The following EEFSEC variants were observed in gnomAD, a reference collection of about 807,000 sequenced individuals.
The protein encoded by EEFSEC is selenocysteine-specific elongation factor.
Under a neutral mutation model 42.1 loss-of-function variants are expected in EEFSEC, and 43 were observed. That is an observed-to-expected ratio of 1.02 (90% CI 0.80 to 1.32). EEFSEC has a LOEUF of 1.32. Among genes scored for constraint, EEFSEC ranks in the 40% most tolerant of loss-of-function variants. The pLI, the probability that EEFSEC is intolerant of heterozygous loss-of-function variation, is 0.00. For missense variants in EEFSEC, 745 were observed against 803.6 expected (o/e 0.93, Z 0.88); for synonymous variants, 354 against 339.1 (o/e 1.04, Z -0.48).
chr3:128,219,721 T>C (rs925852647), intron 1 of EEFSEC, among the ~76,000 whole-genome samples: 2 of 152,054 alleles, frequency 1.3e-5, no homozygotes, highest in Non-Finnish European at 2.9e-5. Context: ...CTTATTTGTT[T>C]TGTTAAATGG....
At chr3:128,425,478 T>C in the EEFSEC span, among the ~76,000 whole-genome samples, 1 of 152,240 alleles carries the variant, frequency 6.6e-6, no homozygotes, top group Admixed American at 6.5e-5. Context: ...TGTGGGGTTT[T>C]GTGTGAGCAT....
At chr3:128,330,570 G>A (rs1302616361) in intron 4 of EEFSEC, among the ~76,000 whole-genome samples, 4 of 152,098 alleles carry the variant, frequency 2.6e-5, no homozygotes, top group African/African-American at 9.7e-5. Context: ...TCAGTGAGTG[G>A]GATTCAGCTG....
chr3:128,282,520 G>A (rs919413380), intron 4 of EEFSEC, among the ~76,000 whole-genome samples: 2 of 152,224 alleles, frequency 1.3e-5, no homozygotes, highest in African/African-American at 2.4e-5. Context: ...ATGTTGACAC[G>A]CACTGGAGCT....
intron 1 of EEFSEC, among the ~76,000 whole-genome samples, chr3:128,207,185 C>T (rs1324080461): frequency 6.6e-6 from 1 of 151,528 alleles, no homozygotes; most frequent in Non-Finnish European, 1.5e-5. Flanking sequence ...TCCTGCTCCC[C>T]TCTCTCCCTC....
At chr3:128,343,462 G>A (rs541635003) in intron 5 of EEFSEC, among the ~76,000 whole-genome samples, 18 of 152,244 alleles carry the variant, frequency 1.2e-4, no homozygotes, top group South Asian at 1.0e-3. Flanking sequence ...GCTCCGGGGG[G>A]GCCGCTGGGG....
Position 128,223,417 on chromosome 3 carries a change from G to A in EEFSEC, c.317-23419G>A, listed in dbSNP as rs571093683. Among the ~76,000 whole-genome samples, 4 of 152,372 alleles carry A rather than the reference G, an allele frequency of 2.6e-5. No individual in the cohort carries two copies. In the East Asian group the frequency reaches 5.8e-4, roughly 22 times the overall value. On this transcript the variant is annotated intron_variant, in intron 1 of 6. Transcript: ENST00000254730. ...GATTTGCAGCCAGCTGGTCAGAAGT[G>A]TGGGTGGCCTAGGGACCCCTGAACT... is the stretch of plus-strand genomic sequence containing the variant.
chr3:128,224,139 A>G (rs2065886550), intron 1 of EEFSEC, among the ~76,000 whole-genome samples: 1 of 152,192 alleles, frequency 6.6e-6, no homozygotes, highest in Non-Finnish European at 1.5e-5. Flanking sequence ...TAAATCTTCA[A>G]TGAACCTGCT....
At chr3:128,164,122 G>A (rs1449317052) in intron 1 of EEFSEC, among the ~76,000 whole-genome samples, 1 of 152,096 alleles carries the variant, frequency 6.6e-6, no homozygotes, top group African/African-American at 2.4e-5. Context: ...CTTGTTTTAA[G>A]GGCTTTCGGC....
the EEFSEC span, among the ~76,000 whole-genome samples, chr3:128,420,325 A>G: frequency 6.6e-6 from 1 of 152,244 alleles, no homozygotes; most frequent in African/African-American, 2.4e-5. Context: ...GAAAATAAAG[A>G]TTAATTTGCA....
chr3:128,289,689 C>T (rs759929485), intron 4 of EEFSEC, among the ~76,000 whole-genome samples: 5 of 152,230 alleles, frequency 3.3e-5, no homozygotes, highest in East Asian at 1.9e-4. Context: ...TGCCTTTGTG[C>T]TACCTTTGGG....
At chr3:128,369,728 GC>G (rs765051379) in intron 6 of EEFSEC, among the ~76,000 whole-genome samples, 91 of 152,298 alleles carry the variant, frequency 6.0e-4, no homozygotes, top group Non-Finnish European at 1.0e-3. Flanking sequence ...TTCCCTCCTA[GC>G]TTTTTAAATA....
At chr3:128,192,450 T>C (rs2065535905) in intron 1 of EEFSEC, among the ~76,000 whole-genome samples, 1 of 152,230 alleles carries the variant, frequency 6.6e-6, no homozygotes, top group South Asian at 2.1e-4. Context: ...CTCTTGAGCT[T>C]CAGCTGGCTG....
chr3:128,283,986 C>T (rs1045384618), intron 4 of EEFSEC, among the ~76,000 whole-genome samples: 2 of 152,212 alleles, frequency 1.3e-5, no homozygotes. Flanking sequence ...GTACCCTTCC[C>T]CATTTGCTGG....
chr3:128,312,510 G>A (rs758648515), intron 4 of EEFSEC, among the ~76,000 whole-genome samples: 2 of 152,292 alleles, frequency 1.3e-5, no homozygotes, highest in South Asian at 4.1e-4. Flanking sequence ...ACCCACCGGG[G>A]TTCAGAATAC....
chr3:128,337,141 C>G (rs2067198239), intron 4 of EEFSEC: 1 of 152,186 alleles, frequency 6.6e-6, no homozygotes. Context: ...CTAAATGGGT[C>G]TTCTGTTCCG....
chr3:128,309,237 C>T, intron 4 of EEFSEC, among the ~76,000 whole-genome samples: 1 of 152,184 alleles, frequency 6.6e-6, no homozygotes, highest in South Asian at 2.1e-4. Flanking sequence ...GACAGAGACT[C>T]TGCCCTGAAC....
chr3:128,195,111 G>A (rs9846764), intron 1 of EEFSEC, among the ~76,000 whole-genome samples: 4,952 of 151,644 alleles, frequency 0.033, 117 homozygotes, highest in Middle Eastern at 0.058. Context: ...TATTTTACAC[G>A]ATCTTCGCCT....
chr3:128,370,897 TGAG>T (rs1273337514), intron 6 of EEFSEC, among the ~76,000 whole-genome samples: 1 of 151,900 alleles, frequency 6.6e-6, no homozygotes, highest in Non-Finnish European at 1.5e-5. Context: ...GTCTTGAAGG[TGAG>T]GAGATTTCCC....
rs58135764 is a variant in EEFSEC, at chr3:128,234,025, T to TTTTA, written c.317-12782_317-12779dup. On this transcript the variant is annotated intron_variant, in intron 1 of 6. Coordinates refer to ENST00000254730, the MANE Select transcript of EEFSEC (RefSeq NM_021937.5). ...CCGATTCCCTGACCTGTAGTCATCT[T>TTTTA]TTTATTTATTTATTTATTTATTTAT... Among the ~76,000 whole-genome samples, 167 of 148,798 alleles carry TTTTA rather than the reference T, an allele frequency of 1.1e-3. 1 individual carries two copies. Among genetic ancestry groups the TTTTA allele is most frequent in the South Asian group, 4.1e-3 (19 of 4,678 alleles).
Sources: gnomAD v4.1 joint callset for allele counts (sites outside exome capture counted in the v4.1 genomes callset) on GRCh38, gnomAD v4.1.1 for gene constraint, MANE v1.5 for transcripts, NCBI Gene and HGNC (gene_info 2026-07-23, HGNC 2026-07-21) for gene names.